MAT1A: variants seen among roughly 807,000 people sequenced by gnomAD.
MAT1A encodes methionine adenosyltransferase 1A, also known as S-adenosylmethionine synthase isoform type-1.
In MAT1A, 19 loss-of-function variants were observed where a neutral mutation model predicts 44.0. The observed-to-expected ratio is 0.43, with a 90% CI of 0.30 to 0.63. The LOEUF (loss-of-function observed/expected upper bound fraction) is 0.63, where lower values mean the gene tolerates loss of function less well. Ranked by LOEUF, MAT1A falls within the 30% of genes least tolerant of loss-of-function variation. The probability of loss-of-function intolerance (pLI) is 0.12; values close to 1 mark genes in which losing one functional copy is unlikely to be tolerated. For synonymous variants in MAT1A, 205 were observed against 205.6 expected (o/e 1.00, Z 0.03); for missense variants, 397 against 531.0 (o/e 0.75, Z 2.48).
intron 3 of MAT1A, among the ~76,000 whole-genome samples, chr10:80,281,240 AGCCCAGCTGTAT>A (rs1273915310): frequency 6.6e-6 from 1 of 152,174 alleles, no homozygotes; most frequent in Non-Finnish European, 1.5e-5. Context: ...GTCACTCAGA[AGCCCAGCTGTAT>A]GCCTGACACA....
At chr10:80,278,530 C>T (rs1194081639) in intron 5 of MAT1A, among the ~76,000 whole-genome samples, 1 of 152,214 alleles carries the variant, frequency 6.6e-6, no homozygotes, top group African/African-American at 2.4e-5. Flanking sequence ...TCTTTGGGTG[C>T]CATCACGATC....
chr10:80,284,143 G>T, intron 2 of MAT1A, 105 bp from the exon 3 acceptor site: 1 of 1,440,546 alleles, frequency 6.9e-7, no homozygotes, highest in Non-Finnish European at 9.5e-7. Flanking sequence ...CACAGGAGGG[G>T]CCTTACGAGG....
Position 80,273,735 on chromosome 10 carries a change from C to A in MAT1A, c.*46G>T. On this transcript the variant is annotated 3_prime_UTR_variant, in exon 9 of 9. Coordinates refer to ENST00000372213, the MANE Select transcript of MAT1A (RefSeq NM_000429.3). ...AGGCGTCTGGGGAAGAGGAGCATGG[C>A]CACCAGGTGCCTCCAGGGTGAGACC... 7.3e-7 allele frequency: 1 copy of A among 1,372,654 alleles called. No individual in the cohort carries two copies. Among genetic ancestry groups the A allele is most frequent in the African/African-American group, 1.4e-5 (1 of 69,512 alleles). The allele number at this position is 1,372,654 out of a possible 1,614,324, so 85.0% of individuals were successfully genotyped here.
intron 6 of MAT1A, 118 bp from the exon 7 acceptor site, chr10:80,275,317 A>G (rs1487009832): frequency 1.1e-6 from 1 of 930,824 alleles, no homozygotes; most frequent in African/African-American, 1.6e-5. Context: ...GGGGCTGCCC[A>G]CAGACATTTT....
chr10:80,278,758 T>C (rs1310471703), intron 5 of MAT1A, among the ~76,000 whole-genome samples: 1 of 152,360 alleles, frequency 6.6e-6, no homozygotes, highest in East Asian at 1.9e-4. Context: ...TCCATCTCTG[T>C]ACAACTGGAG....
chr10:80,272,263 C>T lies in MAT1A; in HGVS notation c.*1518G>A, dbSNP rs1404766170. The T allele has an allele frequency of 1.3e-5, 2 of 152,882 alleles. No individual in the cohort carries two copies. The highest frequency in any genetic ancestry group is 4.8e-5 in the African/African-American group (2 of 41,438). 9.5% of individuals were successfully genotyped at this position (152,882 alleles called of 1,614,324 possible). A position where few individuals can be genotyped will look rare whatever the true frequency, so the allele number is the denominator to read the frequency against. Reference sequence around the variant, plus strand: ...GGAGGCCCCTGCCTGAGCCTGTGGTCCTGGGAGCTGGGGAGAAGGTAGAGA... The same window carrying T: ...GGAGGCCCCTGCCTGAGCCTGTGGTTCTGGGAGCTGGGGAGAAGGTAGAGA... On this transcript the variant is annotated 3_prime_UTR_variant, in exon 9 of 9. Transcript: ENST00000372213.
Position 80,275,150 on chromosome 10 carries a change from C to A in MAT1A, c.818G>T (p.Gly273Val). The change falls in exon 7 of 9, where the codon GGC becomes GTC. Residue 273 changes from glycine to valine, a missense_variant. Gly to Val is a moderately radical substitution (Grantham distance 109, BLOSUM62 -3). Coordinates refer to ENST00000372213, the MANE Select transcript of MAT1A (RefSeq NM_000429.3). ...GRKIIVDTYGGWGAHGGGAFS... is the reference protein window; with the variant it reads ...GRKIIVDTYGVWGAHGGGAFS... ...GGCCCCACCACCATGAGCCCCCCAG[C>A]CGCCATAGGTGTCCACAATAATCTT... 1 of 1,613,414 alleles carries A rather than the reference C, an allele frequency of 6.2e-7. No individual in the cohort carries two copies. Among genetic ancestry groups the A allele is most frequent in the Non-Finnish European group, 8.5e-7 (1 of 1,179,782 alleles).
intron 5 of MAT1A, among the ~76,000 whole-genome samples, chr10:80,276,923 C>A (rs1177784894): frequency 6.6e-6 from 1 of 152,218 alleles, no homozygotes; most frequent in Non-Finnish European, 1.5e-5. Context: ...AGCAAATGTC[C>A]CCCTGGCCAA....
In MAT1A at chr10:80,273,363, G is replaced by A. The variant is rs950671456; in HGVS notation, c.*418C>T. The A allele has an allele frequency of 3.8e-6, 1 of 265,946 alleles. No individual in the cohort carries two copies. The highest frequency in any genetic ancestry group is 2.2e-5 in the African/African-American group (1 of 45,004). The allele number at this position is 265,946 out of a possible 1,614,324, so 16.5% of individuals were successfully genotyped here. A position where few individuals can be genotyped will look rare whatever the true frequency, so the allele number is the denominator to read the frequency against. ...TCAGGGCACTGGCTGCCTGTGAAAG[G>A]GGGGTCCAGGAGCCCAGGCCCACAA... is the stretch of plus-strand genomic sequence containing the variant. On this transcript the variant is annotated 3_prime_UTR_variant, in exon 9 of 9. Coordinates refer to ENST00000372213, the MANE Select transcript of MAT1A (RefSeq NM_000429.3).
In MAT1A at chr10:80,279,734, G is replaced by GAGACAGACAGCAC. The variant is rs781521814; in HGVS notation, c.549+426_549+438dup. Among the ~76,000 whole-genome samples the GAGACAGACAGCAC allele has an allele frequency of 1.5e-4, 6 of 40,936 alleles. No homozygotes were observed. In the East Asian group the frequency reaches 6.9e-3, roughly 47 times the overall value. The allele number at this position is 40,936 out of a possible 152,430, so 26.9% of individuals were successfully genotyped here. A position where few individuals can be genotyped will look rare whatever the true frequency, so the allele number is the denominator to read the frequency against. ...CAAAGATGAGAAAAAGGGTCATGAT[G>GAGACAGACAGCAC]AGACAGACAGCACAGACAGACAGCA... is the stretch of plus-strand genomic sequence containing the variant. On this transcript the variant is annotated intron_variant, in intron 5 of 8. Transcript: ENST00000372213.
chr10:80,282,999 T>C (rs906946573), intron 3 of MAT1A, among the ~76,000 whole-genome samples: 19 of 152,200 alleles, frequency 1.2e-4, no homozygotes, highest in African/African-American at 4.6e-4. Context: ...GGTCATCACA[T>C]CTCTCACAGT....
chr10:80,286,919 G>A (rs1037044237), intron 1 of MAT1A, among the ~76,000 whole-genome samples: 3 of 152,308 alleles, frequency 2.0e-5, no homozygotes, highest in African/African-American at 7.2e-5. Context: ...CTAAACATAT[G>A]TTTGAGGTTG....
At chr10:80,284,163 CAGAAGGAAAAT>C in intron 2 of MAT1A, 125 bp from the exon 3 acceptor site, 1 of 1,264,584 alleles carries the variant, frequency 7.9e-7, no homozygotes, top group Non-Finnish European at 1.1e-6. Context: ...GAATGGATTC[CAGAAGGAAAAT>C]AGAAACGCCA....
At position 80,289,522 on chromosome 10, in the gene MAT1A, C is replaced by T. The variant is rs534061334; in HGVS notation, c.-99G>A. On this transcript the variant is annotated 5_prime_UTR_variant, in exon 1 of 9. Coordinates refer to ENST00000372213, the MANE Select transcript of MAT1A (RefSeq NM_000429.3). ...TCTTCTTCTTCTTCTTCTTTCAACC[C>T]AACAGGCTTGTCTTTGGCAGAGCCA... 9.1e-6 allele frequency: 6 copies of T among 662,072 alleles called. No individual in the cohort carries two copies. Among genetic ancestry groups the T allele is most frequent in the African/African-American group, 2.3e-5 (1 of 43,336 alleles). The allele number at this position is 662,072 out of a possible 1,614,324, so 41.0% of individuals were successfully genotyped here.
In MAT1A at chr10:80,279,191, C is replaced by T. The variant is rs566254193; in HGVS notation, c.549+982G>A. On this transcript the variant is annotated intron_variant, in intron 5 of 8. Coordinates refer to ENST00000372213, the MANE Select transcript of MAT1A (RefSeq NM_000429.3). ...GCTGGAATTTCCAAGCAGGGAGTAC[C>T]TTTGGAAGGATAGGCCACTGATCCT... is the stretch of plus-strand genomic sequence containing the variant. Among the ~76,000 whole-genome samples the T allele has an allele frequency of 5.3e-5, 8 of 152,216 alleles. No individual in the cohort carries two copies. The South Asian group carries it at 1.5e-3, about 28-fold the overall frequency.
chr10:80,288,285 C>T (rs998379816), intron 1 of MAT1A, among the ~76,000 whole-genome samples: 3 of 152,326 alleles, frequency 2.0e-5, no homozygotes, highest in Admixed American at 2.0e-4. Flanking sequence ...CAGTGGTTCT[C>T]ACCCCAGAGC....
In MAT1A at chr10:80,285,193, C is replaced by T. The variant is rs529177006; in HGVS notation, c.169+319G>A. ...CCCGTCTGGAAGATTCACCTAAGAA[C>T]TTTGAAAGACCTCCTTGTTCCCAAT... is the stretch of plus-strand genomic sequence containing the variant. On this transcript the variant is annotated intron_variant, in intron 2 of 8. Coordinates refer to ENST00000372213, the MANE Select transcript of MAT1A (RefSeq NM_000429.3). Among the ~76,000 whole-genome samples, 4 of 152,300 alleles carry T rather than the reference C, an allele frequency of 2.6e-5. No individual in the cohort carries two copies. The East Asian group carries it at 7.7e-4, about 29-fold the overall frequency.
intron 5 of MAT1A, 130 bp downstream of exon 5, chr10:80,280,043 A>G (rs1841541651): frequency 1.2e-5 from 14 of 1,131,622 alleles, no homozygotes; most frequent in Non-Finnish European, 1.7e-5. Context: ...AGTTCTTTTC[A>G]AAACTGACCA....
intron 3 of MAT1A, among the ~76,000 whole-genome samples, chr10:80,282,837 C>T (rs985695278): frequency 1.2e-4 from 19 of 152,250 alleles, no homozygotes; most frequent in Non-Finnish European, 2.6e-4. Context: ...AGCACCCTGA[C>T]CCACAGGATG....
Sources: allele counts gnomAD v4.1 joint callset (sites outside exome capture counted in the v4.1 genomes callset), GRCh38; gene constraint gnomAD v4.1.1; transcripts MANE v1.5; gene names NCBI Gene and HGNC (gene_info 2026-07-23, HGNC 2026-07-21).